NIBAN2: variants seen among roughly 807,000 people sequenced by gnomAD.
NIBAN2 encodes protein Niban 2.
In NIBAN2, 36 loss-of-function variants were observed where a neutral mutation model predicts 81.8. That is an observed-to-expected ratio of 0.44 (90% CI 0.34 to 0.58). NIBAN2 has a LOEUF of 0.58. Among genes scored for constraint, NIBAN2 ranks in the 20% least tolerant of loss-of-function variants. NIBAN2 has a pLI of 0.02. For missense variants in NIBAN2, 897 were observed against 1,014.1 expected (o/e 0.88, Z 1.57); for synonymous variants, 445 against 441.6 (o/e 1.01, Z -0.10).
intron 8 of NIBAN2, among the ~76,000 whole-genome samples, chr9:127,511,083 C>T (rs967541603): frequency 1.3e-4 from 20 of 152,080 alleles, no homozygotes; most frequent in Admixed American, 1.2e-3. Flanking sequence ...CTCGTGCTGT[C>T]GCCCAGTCTG....
intron 8 of NIBAN2, among the ~76,000 whole-genome samples, chr9:127,513,577 C>A (rs1359300188): frequency 5.3e-5 from 8 of 152,140 alleles, no homozygotes; most frequent in Admixed American, 5.2e-4. Context: ...AGAGTGACCT[C>A]GGTCGTCCTC....
At chr9:127,556,248 G>C (rs1173330072) in intron 1 of NIBAN2, among the ~76,000 whole-genome samples, 1 of 152,104 alleles carries the variant, frequency 6.6e-6, no homozygotes, top group South Asian at 2.1e-4. Context: ...ATGGCTTCGT[G>C]CCTGCGGGTC....
At chr9:127,529,364 C>G (rs1252942442) in intron 2 of NIBAN2, among the ~76,000 whole-genome samples, 2 of 152,190 alleles carry the variant, frequency 1.3e-5, no homozygotes, top group Non-Finnish European at 2.9e-5. Context: ...TTTAGCCGGG[C>G]GCTGTGGCTC....
Position 127,569,006 on chromosome 9 carries a change from C to T in NIBAN2, c.-132G>A, listed in dbSNP as rs1332869314. 3.6e-6 allele frequency: 3 copies of T among 824,098 alleles called. No homozygotes were observed. In the South Asian group the frequency reaches 1.8e-4, roughly 48 times the overall value. The allele number at this position is 824,098 out of a possible 1,614,324, so 51.0% of individuals were successfully genotyped here. On this transcript the variant is annotated 5_prime_UTR_variant, in exon 1 of 14. Transcript: ENST00000373312. ...GCTCCCGCCGCTCCCGCCGCTCCCG[C>T]CGCCCGGCTGCGGCTTCCGCTCCGG...
chr9:127,508,019 G>A lies in NIBAN2; in HGVS notation c.1543-41C>T. 1 of 1,612,038 alleles carries A rather than the reference G, an allele frequency of 6.2e-7. No homozygotes were observed. Among genetic ancestry groups the A allele is most frequent in the South Asian group, 1.1e-5 (1 of 91,042 alleles). On this transcript the variant is annotated intron_variant, in intron 12 of 13. Transcript: ENST00000373312. This position sits in a 1 kb window ranked among gnomAD's most constrained non-coding sequence, Gnocchi z 6.4. ...GGCAGAGATGAGAGGTCAGGGCCAA[G>A]GGTAGAGGGAGGCCTGTGGGCTCCA...
At chr9:127,568,785 GC>G in intron 1 of NIBAN2, 34 bp downstream of exon 1, 2 of 1,276,720 alleles carry the variant, frequency 1.6e-6, no homozygotes, top group Non-Finnish European at 2.0e-6. Context: ...GTTCCGGCAG[GC>G]CCCTGGGCGC....
chr9:127,560,033 G>C (rs1051600461), intron 1 of NIBAN2, among the ~76,000 whole-genome samples: 5 of 152,182 alleles, frequency 3.3e-5, no homozygotes, highest in African/African-American at 1.2e-4. Context: ...AAATGACAGG[G>C]CAGTCCTGAC....
upstream of NIBAN2, among the ~76,000 whole-genome samples, chr9:127,569,814 C>T (rs1319837668): frequency 6.6e-6 from 1 of 152,254 alleles, no homozygotes; most frequent in Admixed American, 6.5e-5. Context: ...ATGGGCATTT[C>T]ACTCGGGAGG....
chr9:127,541,501 T>C (rs1232278470), intron 1 of NIBAN2, among the ~76,000 whole-genome samples: 1 of 152,136 alleles, frequency 6.6e-6, no homozygotes, highest in Non-Finnish European at 1.5e-5. Context: ...GGCAAAACCA[T>C]CTCACCCTGG....
In NIBAN2 at chr9:127,545,335, C is replaced by G. The variant is rs1481529106; in HGVS notation, c.56-13557G>C. Among the ~76,000 whole-genome samples the G allele has an allele frequency of 6.6e-6, 1 of 152,224 alleles. No individual in the cohort carries two copies. Among genetic ancestry groups the G allele is most frequent in the East Asian group, 1.9e-4 (1 of 5,194 alleles). ...TGCTCCCCGGCACTCCCCTCAACCACAGTTAATGCCTCATCTGAGACGCTC... is the reference window on the plus strand; with the variant it reads ...TGCTCCCCGGCACTCCCCTCAACCAGAGTTAATGCCTCATCTGAGACGCTC... On this transcript the variant is annotated intron_variant, in intron 1 of 13. Transcript: ENST00000373312. This position sits in a 1 kb window ranked among gnomAD's most constrained non-coding sequence, Gnocchi z 4.7.
intron 1 of NIBAN2, among the ~76,000 whole-genome samples, chr9:127,560,995 T>G (rs1035715905): frequency 3.9e-5 from 6 of 152,260 alleles, no homozygotes; most frequent in African/African-American, 1.4e-4. Flanking sequence ...ACACAGCAAG[T>G]GGTCAATGGG....
At chr9:127,560,951 G>T (rs1422122571) in intron 1 of NIBAN2, among the ~76,000 whole-genome samples, 2 of 152,186 alleles carry the variant, frequency 1.3e-5, no homozygotes, top group Admixed American at 6.5e-5. Context: ...AGGGAGAAAA[G>T]GCACAGAGAG....
At chr9:127,573,234 A>G (rs999830244), upstream of NIBAN2, among the ~76,000 whole-genome samples, 9 of 151,966 alleles carry the variant, frequency 5.9e-5, no homozygotes, top group African/African-American at 1.9e-4. Context: ...TCCTGCAGGG[A>G]AGGAGGGGTG....
chr9:127,520,540 G>C (rs972961598), intron 5 of NIBAN2, among the ~76,000 whole-genome samples: 2 of 152,018 alleles, frequency 1.3e-5, no homozygotes, highest in African/African-American at 2.4e-5. Context: ...ACCCGCCCTT[G>C]GTCCTAGAGT....
intron 8 of NIBAN2, among the ~76,000 whole-genome samples, chr9:127,513,326 T>C (rs1836769693): frequency 6.6e-6 from 1 of 152,046 alleles, no homozygotes; most frequent in South Asian, 2.1e-4. Context: ...GAGATGGGAA[T>C]GGTTAATGGG....
At chr9:127,527,494 C>T (rs1837097087) in intron 2 of NIBAN2, among the ~76,000 whole-genome samples, 172 bp from the exon 3 acceptor site, 1 of 152,210 alleles carries the variant, frequency 6.6e-6, no homozygotes, top group South Asian at 2.1e-4. Flanking sequence ...TGCATCTCAT[C>T]CATTCTGCAG....
In NIBAN2 at chr9:127,517,096, C is replaced by A; in HGVS notation, c.810+16G>T. 3 of 1,612,332 alleles carry A rather than the reference C, an allele frequency of 1.9e-6. No individual in the cohort carries two copies. Among genetic ancestry groups the A allele is most frequent in the Non-Finnish European group, 2.5e-6 (3 of 1,178,918 alleles). ...TGCAGGTCCCGTCCCCGCTCCAGGG[C>A]CCCAGGCCCACCCACCTGGATCCAC... On this transcript the variant is annotated intron_variant, in intron 7 of 13. Coordinates refer to ENST00000373312, the MANE Select transcript of NIBAN2 (RefSeq NM_022833.4). This position sits in a 1 kb window ranked among gnomAD's most constrained non-coding sequence, Gnocchi z 4.0.
In NIBAN2 at chr9:127,506,989, C is replaced by T; in HGVS notation, c.2097G>A (p.Gln699=). Residue 699 remains glutamine (Q), a synonymous_variant, in exon 14 of 14, where the codon CAG becomes CAA. Coordinates refer to ENST00000373312, the MANE Select transcript of NIBAN2 (RefSeq NM_022833.4). ...CCACAGCCTTTCCAGGCAGGAGATG[C>T]TGGAGGGGTGAGGCAGGCGGCGAGG... The part of the protein sequence containing the change: ...EASSPPASPL[Q]HLLPGKAVDL... 1 of 1,599,072 alleles carries T rather than the reference C, an allele frequency of 6.3e-7. No individual in the cohort carries two copies. Among genetic ancestry groups the T allele is most frequent in the Non-Finnish European group, 8.5e-7 (1 of 1,171,904 alleles).
At chr9:127,558,843 C>T (rs73668508) in intron 1 of NIBAN2, among the ~76,000 whole-genome samples, 9,894 of 152,236 alleles carry the variant, frequency 0.065, 586 homozygotes, top group African/African-American at 0.16. Context: ...AAGAATTCAG[C>T]TAAAACGCAA....
Sources: gnomAD v4.1 joint callset for allele counts (sites outside exome capture counted in the v4.1 genomes callset) on GRCh38, gnomAD v4.1.1 for gene constraint, Gnocchi (gnomAD v3.1) non-coding constraint, MANE v1.5 for transcripts, NCBI Gene and HGNC (gene_info 2026-07-23, HGNC 2026-07-21) for gene names.